The following ACTA2 variants were observed in gnomAD, a reference collection of about 807,000 sequenced individuals.
ACTA2 encodes actin, aortic smooth muscle.
In ACTA2, 12 loss-of-function variants were observed where a neutral mutation model predicts 39.5. The ratio of observed to expected loss-of-function variants is 0.30; its 90% CI spans 0.19 to 0.49. The LOEUF is 0.49. Ranked by LOEUF, ACTA2 falls within the 20% of genes least tolerant of loss-of-function variation. The probability of loss-of-function intolerance (pLI) is 0.99; values close to 1 mark genes in which losing one functional copy is unlikely to be tolerated. For synonymous variants in ACTA2, 158 were observed against 180.6 expected (o/e 0.88, Z 1.00); for missense variants, 236 against 498.8 (o/e 0.47, Z 5.02).
chr10:88,990,746 A>C lies in ACTA2; in HGVS notation c.-24+193T>G. 1 of 1,085,364 alleles carries C rather than the reference A, an allele frequency of 9.2e-7. No individual in the cohort carries two copies. Among genetic ancestry groups the C allele is most frequent in the Non-Finnish European group, 1.4e-6 (1 of 713,592 alleles). The allele number at this position is 1,085,364 out of a possible 1,614,324, so 67.2% of individuals were successfully genotyped here. The stretch of plus-strand genomic sequence containing the variant: ...CTTGGCTGGAGCCTCAGGGGCGGGC[A>C]CTGGCACGGAACACACCCTGAGGCC... On this transcript the variant is annotated intron_variant, in intron 1 of 4. Coordinates refer to the ACTA2 transcript ENST00000415557. The surrounding 1 kb of genome is among the most constrained non-coding windows in gnomAD (Gnocchi z 4.9).
At chr10:88,938,417 C>T (rs1845787026) in intron 7 of ACTA2, 175 bp from the exon 8 acceptor site, 2 of 685,518 alleles carry the variant, frequency 2.9e-6, no homozygotes, top group Non-Finnish European at 5.1e-6. Context: ...TCTATGTCTT[C>T]CTGCCTGCCT....
At chr10:88,989,616 G>C in intron 1 of ACTA2, 1 of 533,536 alleles carries the variant, frequency 1.9e-6, no homozygotes, top group East Asian at 4.6e-5. Context: ...CAGGGTGATG[G>C]AAAGCCCTCA....
At chr10:88,985,332 TATATGCTC>T (rs1289746626) in intron 1 of ACTA2, among the ~76,000 whole-genome samples, 1 of 152,204 alleles carries the variant, frequency 6.6e-6, no homozygotes, top group Admixed American at 6.5e-5. Context: ...GGAAAATGTC[TATATGCTC>T]ATATGCACAG....
intron 4 of ACTA2, chr10:88,943,577 A>C: frequency 1.7e-6 from 1 of 605,394 alleles, no homozygotes; most frequent in Non-Finnish European, 3.0e-6. Context: ...AAATCTTTTA[A>C]ATTTCCTATT....
At chr10:88,936,289 T>A (rs1180763841) in intron 8 of ACTA2, among the ~76,000 whole-genome samples, 1 of 152,216 alleles carries the variant, frequency 6.6e-6, no homozygotes, top group Non-Finnish European at 1.5e-5. Flanking sequence ...CAGGTGGTTT[T>A]ATGTTTTGGT....
intron 1 of ACTA2, among the ~76,000 whole-genome samples, chr10:88,968,377 T>A (rs573136237): frequency 6.6e-6 from 1 of 152,270 alleles, no homozygotes; most frequent in Non-Finnish European, 1.5e-5. Context: ...GGGTTTTTGA[T>A]CATCTTGGGT....
chr10:88,960,841 G>C (rs1030962459), intron 1 of ACTA2, among the ~76,000 whole-genome samples: 1 of 152,170 alleles, frequency 6.6e-6, no homozygotes, highest in African/African-American at 2.4e-5. Flanking sequence ...ATCTTACCAA[G>C]GGGAAATTGT....
At chr10:88,970,459 A>G (rs1272482298) in intron 1 of ACTA2, among the ~76,000 whole-genome samples, 1 of 152,176 alleles carries the variant, frequency 6.6e-6, no homozygotes, top group Non-Finnish European at 1.5e-5. Flanking sequence ...GAGGGCGTTC[A>G]GTTAGTGCTG....
At chr10:88,939,399 G>A (rs774983173) in intron 7 of ACTA2, 108 bp downstream of exon 7, 1 of 1,421,194 alleles carries the variant, frequency 7.0e-7, no homozygotes, top group East Asian at 2.3e-5. Context: ...GTTTAGAAAT[G>A]CTTTTGGTCT....
At chr10:88,959,365 C>T (rs1846190747) in intron 1 of ACTA2, among the ~76,000 whole-genome samples, 1 of 152,104 alleles carries the variant, frequency 6.6e-6, no homozygotes, top group South Asian at 2.1e-4. Context: ...TAATGTGTAT[C>T]CAAGAATAAG....
At chr10:88,953,155 ACAGAAAGGGG>A (rs1564649658), upstream of ACTA2, among the ~76,000 whole-genome samples, 1 of 152,230 alleles carries the variant, frequency 6.6e-6, no homozygotes, top group African/African-American at 2.4e-5. Flanking sequence ...TAAACTGAGA[ACAGAAAGGGG>A]CAGAAAGGGC....
At position 88,947,360 on chromosome 10, in the gene ACTA2, T is replaced by C. The variant is rs768920317; in HGVS notation, c.156A>G (p.Lys52=). The change falls in exon 3 of 9, where the codon AAA becomes AAG. Residue 52 remains lysine, a synonymous_variant. Transcript: ENST00000224784. ...GTGCTTCGTCACCCACGTAGCTGTC[T>C]TTTTGTCCCATTCCCACCATCACCC... ...HQGVMVGMGQ[K]DSYVGDEAQS... is the part of the protein sequence containing the mutation. 2 of 1,614,008 alleles carry C rather than the reference T, an allele frequency of 1.2e-6. No individual in the cohort carries two copies. The highest frequency in any genetic ancestry group is 1.3e-5 in the African/African-American group (1 of 75,020).
intron 1 of ACTA2, among the ~76,000 whole-genome samples, chr10:88,985,381 TG>T (rs1162194509): frequency 6.6e-6 from 1 of 152,220 alleles, no homozygotes; most frequent in East Asian, 1.9e-4. Flanking sequence ...TTCTCCCCAT[TG>T]TCCTTTCTCA....
At position 88,941,701 on chromosome 10, in the gene ACTA2, C is replaced by G. The variant is rs140147046; in HGVS notation, c.454+84G>C. On this transcript the variant is annotated intron_variant, in intron 5 of 8. Coordinates refer to ENST00000224784, the MANE Select transcript of ACTA2 (RefSeq NM_001613.4). ...TGTCCATTCTAACTCAACTCCAGTCCGTCACCCCCACGTGTTAACGACCAT... is the reference window on the plus strand; with the variant it reads ...TGTCCATTCTAACTCAACTCCAGTCGGTCACCCCCACGTGTTAACGACCAT... The G allele has an allele frequency of 1.0e-5, 13 of 1,261,088 alleles. No homozygotes were observed. The Admixed American group carries it at 1.2e-4, about 11-fold the overall frequency. The allele number at this position is 1,261,088 out of a possible 1,614,324, so 78.1% of individuals were successfully genotyped here.
chr10:88,949,055 G>C (rs1772262345), intron 1 of ACTA2, 102 bp from the exon 2 acceptor site: 1 of 1,061,816 alleles, frequency 9.4e-7, no homozygotes, highest in Non-Finnish European at 1.4e-6. Context: ...GCCCTCCTCT[G>C]TGTCCTAGTG....
chr10:88,953,277 G>T (rs749918065), upstream of ACTA2, among the ~76,000 whole-genome samples: 2 of 152,304 alleles, frequency 1.3e-5, no homozygotes, highest in Non-Finnish European at 2.9e-5. Context: ...AGGGAGTGAT[G>T]ATTTTATGGT....
At chr10:88,983,084 T>A (rs1266920334) in intron 1 of ACTA2, among the ~76,000 whole-genome samples, 1 of 152,230 alleles carries the variant, frequency 6.6e-6, no homozygotes, top group Non-Finnish European at 1.5e-5. Context: ...TGACAGGTAG[T>A]TTATATCCAT....
At chr10:88,968,449 A>G (rs1846361871) in intron 1 of ACTA2, among the ~76,000 whole-genome samples, 1 of 152,202 alleles carries the variant, frequency 6.6e-6, no homozygotes, top group Non-Finnish European at 1.5e-5. Context: ...GACAACAATA[A>G]CTTTATCCCA....
intron 3 of ACTA2, among the ~76,000 whole-genome samples, chr10:88,946,159 G>C (rs978435097): frequency 5.3e-5 from 8 of 152,028 alleles, no homozygotes; most frequent in African/African-American, 1.9e-4. Flanking sequence ...TGCAACAGCT[G>C]ATGGTATGAT....
Sources: allele counts gnomAD v4.1 joint callset (sites outside exome capture counted in the v4.1 genomes callset), GRCh38; gene constraint gnomAD v4.1.1; non-coding constraint Gnocchi (gnomAD v3.1); transcripts MANE v1.5; gene names NCBI Gene and HGNC (gene_info 2026-07-23, HGNC 2026-07-21).